The following NAALADL2 variants were observed in gnomAD, a reference collection of about 807,000 sequenced individuals.
The protein encoded by NAALADL2 is inactive N-acetylated-alpha-linked acidic dipeptidase-like protein 2.
In NAALADL2, 76 loss-of-function variants were observed where a neutral mutation model predicts 87.2. The ratio of observed to expected loss-of-function variants is 0.87; its 90% CI spans 0.72 to 1.05. The LOEUF (loss-of-function observed/expected upper bound fraction) is 1.05. Among genes scored for constraint, NAALADL2 ranks in the 50% least tolerant of loss-of-function variants. The pLI, the probability that NAALADL2 is intolerant of heterozygous loss-of-function variation, is 0.00. For missense variants in NAALADL2, 1,089 were observed against 945.8 expected, an observed-to-expected ratio of 1.15 and a Z score of -1.99; for synonymous variants, 354 against 331.0, an observed-to-expected ratio of 1.07 and a Z score of -0.75.
At chr3:175,065,910 G>A (rs1310700362) in intron 1 of NAALADL2, among the ~76,000 whole-genome samples, 1 of 152,182 alleles carries the variant, frequency 6.6e-6, no homozygotes, top group Admixed American at 6.5e-5. Context: ...ATAGAGAATT[G>A]AATCAAGAAG....
At chr3:175,230,289 A>G (rs1744753723) in intron 2 of NAALADL2, among the ~76,000 whole-genome samples, 1 of 152,090 alleles carries the variant, frequency 6.6e-6, no homozygotes, top group South Asian at 2.1e-4. Flanking sequence ...GAAAATGTGA[A>G]AACAATTATA....
At chr3:175,534,036 T>TAA (rs1560716114) in intron 9 of NAALADL2, among the ~76,000 whole-genome samples, 3,086 of 149,950 alleles carry the variant, frequency 0.021, 83 homozygotes, top group African/African-American at 0.049. Context: ...TATTTATTTA[T>TAA]TATAAATAAA....
intron 6 of NAALADL2, among the ~76,000 whole-genome samples, chr3:175,449,238 C>A (rs1721166284): frequency 6.6e-6 from 1 of 151,982 alleles, no homozygotes; most frequent in Non-Finnish European, 1.5e-5. Flanking sequence ...GACACTACAC[C>A]CAGCTAACTT....
At chr3:175,232,276 G>A (rs141460863) in intron 2 of NAALADL2, among the ~76,000 whole-genome samples, 216 of 151,948 alleles carry the variant, frequency 1.4e-3, no homozygotes, top group African/African-American at 5.0e-3. Flanking sequence ...GAAAAGAAGT[G>A]GGAAGAAAGC....
chr3:175,762,351 A>G (rs1190055793), intron 13 of NAALADL2, among the ~76,000 whole-genome samples: 2 of 152,112 alleles, frequency 1.3e-5, no homozygotes, highest in African/African-American at 4.8e-5. Context: ...ATAGCTTTCA[A>G]AATTAAGAAT....
At chr3:175,200,811 A>G (rs1739908982) in intron 2 of NAALADL2, among the ~76,000 whole-genome samples, 1 of 152,186 alleles carries the variant, frequency 6.6e-6, no homozygotes, top group African/African-American at 2.4e-5. Flanking sequence ...AACACAAAAC[A>G]GGTCATGACT....
intron 3 of NAALADL2, among the ~76,000 whole-genome samples, chr3:174,800,527 G>C (rs149772263): frequency 6.6e-6 from 1 of 152,276 alleles, no homozygotes; most frequent in Non-Finnish European, 1.5e-5. Context: ...TATAGAGGTG[G>C]GGCCCTCATG....
intron 4 of NAALADL2, among the ~76,000 whole-genome samples, chr3:175,280,389 A>G (rs1298761216): frequency 2.0e-5 from 3 of 152,260 alleles, no homozygotes; most frequent in Admixed American, 6.5e-5. Flanking sequence ...AGATTTTATC[A>G]AGAAATTAAT....
At chr3:175,490,137 CT>C (rs1323216863) in intron 9 of NAALADL2, among the ~76,000 whole-genome samples, 2 of 152,078 alleles carry the variant, frequency 1.3e-5, no homozygotes, top group Non-Finnish European at 2.9e-5. Context: ...TGTTGACTGC[CT>C]TTCAGGAAAT....
chr3:175,017,278 C>G (rs2108844835), intron 1 of NAALADL2, among the ~76,000 whole-genome samples: 1 of 152,002 alleles, frequency 6.6e-6, no homozygotes, highest in South Asian at 2.1e-4. Context: ...TAGCCAGACA[C>G]TATTTTCGAA....
chr3:175,792,965 C>G (rs749816438), intron 13 of NAALADL2, among the ~76,000 whole-genome samples: 6 of 152,158 alleles, frequency 3.9e-5, no homozygotes, highest in Non-Finnish European at 5.9e-5. Context: ...TTTCAGAAAT[C>G]CAAGGACTAC....
chr3:175,380,182 TA>T (rs1581658107), intron 5 of NAALADL2, among the ~76,000 whole-genome samples: 1 of 152,038 alleles, frequency 6.6e-6, no homozygotes, highest in African/African-American at 2.4e-5. Context: ...ACATGTATCC[TA>T]AAACTTAAAG....
intron 2 of NAALADL2, among the ~76,000 whole-genome samples, chr3:174,691,714 G>T (rs1728600747): frequency 1.3e-5 from 2 of 152,114 alleles, no homozygotes; most frequent in Non-Finnish European, 2.9e-5. Flanking sequence ...CTAAATACTG[G>T]AGTCAATCCT....
chr3:175,630,327 T>C (rs1204348380), intron 11 of NAALADL2, among the ~76,000 whole-genome samples: 4 of 151,838 alleles, frequency 2.6e-5, no homozygotes, highest in African/African-American at 9.7e-5. Context: ...TTATTCTCTT[T>C]AGTAGAACTT....
intron 9 of NAALADL2, among the ~76,000 whole-genome samples, chr3:175,538,158 C>T (rs1472225076): frequency 2.6e-5 from 4 of 151,894 alleles, no homozygotes; most frequent in South Asian, 2.1e-4. Flanking sequence ...CTGAAAATAT[C>T]GTGTTTACTT....
chr3:174,676,997 T>C (rs1242376140), intron 2 of NAALADL2, among the ~76,000 whole-genome samples: 1 of 151,970 alleles, frequency 6.6e-6, no homozygotes, highest in African/African-American at 2.4e-5. Context: ...ATTTATCATG[T>C]ATACCTCTTG....
intron 11 of NAALADL2, among the ~76,000 whole-genome samples, chr3:175,731,752 C>T (rs534888560): frequency 6.6e-6 from 1 of 152,192 alleles, no homozygotes; most frequent in South Asian, 2.1e-4. Context: ...GCTTATATTC[C>T]AGTGTTCAAG....
At chr3:175,392,129 A>G (rs1454852190) in intron 5 of NAALADL2, among the ~76,000 whole-genome samples, 1 of 152,226 alleles carries the variant, frequency 6.6e-6, no homozygotes, top group Non-Finnish European at 1.5e-5. Flanking sequence ...ACATGATTTC[A>G]GCCTTCATGC....
intron 11 of NAALADL2, among the ~76,000 whole-genome samples, chr3:175,636,110 C>T (rs1728492439): frequency 6.6e-6 from 1 of 152,064 alleles, no homozygotes; most frequent in African/African-American, 2.4e-5. Flanking sequence ...CACATACACA[C>T]ATATATGATA....
Sources: gnomAD v4.1 joint callset for allele counts (sites outside exome capture counted in the v4.1 genomes callset) on GRCh38, gnomAD v4.1.1 for gene constraint, MANE v1.5 for transcripts, NCBI Gene and HGNC (gene_info 2026-07-23, HGNC 2026-07-21) for gene names.